TRPM6: variants seen among roughly 807,000 people sequenced by gnomAD.
TRPM6 encodes the protein transient receptor potential cation channel subfamily M member 6.
A neutral mutation model predicts 247.6 loss-of-function variants in TRPM6; 111 were observed. That is an observed-to-expected ratio of 0.45 (90% CI 0.38 to 0.52). The LOEUF (loss-of-function observed/expected upper bound fraction) is 0.52, where lower values mean the gene tolerates loss of function less well. TRPM6 is among the 20% of genes least tolerant of loss of function. The pLI is 0.00. For missense variants in TRPM6, 2,126 were observed against 2,421.5 expected, an observed-to-expected ratio of 0.88 and a Z score of 2.56; for synonymous variants, 892 against 853.8, an observed-to-expected ratio of 1.04 and a Z score of -0.78.
rs141484675 is a variant in TRPM6 at position 74,724,457 on chromosome 9, T to C, written c.*156A>G. 3.0e-4 allele frequency: 307 copies of C among 1,040,274 alleles called. 1 individual carries two copies. Among genetic ancestry groups the C allele is most frequent in the South Asian group, 1.2e-3 (91 of 73,046 alleles). 64.4% of individuals were successfully genotyped at this position (1,040,274 alleles called of 1,614,324 possible). A position where few individuals can be genotyped will look rare whatever the true frequency, so the allele number is the denominator to read the frequency against. ...AGTGTCTAGGAGAACCCATTGATCA[T>C]ATACCAATGAGGCCTTTGAACAGAA... On this transcript the variant is annotated 3_prime_UTR_variant, in exon 39 of 39. Coordinates refer to ENST00000360774, the MANE Select transcript of TRPM6 (RefSeq NM_017662.5).
intron 18 of TRPM6, among the ~76,000 whole-genome samples, chr9:74,793,082 G>A (rs1032443196): frequency 3.3e-5 from 5 of 152,082 alleles, no homozygotes; most frequent in Non-Finnish European, 7.4e-5. Context: ...CTTGAACCCG[G>A]GAGGCAGAGG....
intron 25 of TRPM6, among the ~76,000 whole-genome samples, chr9:74,767,780 G>C (rs1826876951): frequency 6.6e-6 from 1 of 152,116 alleles, no homozygotes; most frequent in Non-Finnish European, 1.5e-5. Context: ...ACCAGCCTGG[G>C]CAACATTAGC....
chr9:74,775,953 C>G lies in TRPM6; in HGVS notation c.3333G>C (p.Val1111=). Residue 1111 remains valine, a synonymous_variant, in exon 24 of 39, where the codon GTG becomes GTC. Transcript: ENST00000360774. The part of the protein sequence containing the change: ...LPPPLILLSH[V]GLLLRRLCCH... Reference sequence around the variant, plus strand: ...AGCACAGGCGGCGGAGGAGAAGGCCCACGTGGCTCAGCAGGATGAGAGGTG... The same window carrying G: ...AGCACAGGCGGCGGAGGAGAAGGCCGACGTGGCTCAGCAGGATGAGAGGTG... 6.2e-7 allele frequency: 1 copy of G among 1,614,162 alleles called. No individual in the cohort carries two copies. Among genetic ancestry groups the G allele is most frequent in the South Asian group, 1.1e-5 (1 of 91,082 alleles).
intron 14 of TRPM6, among the ~76,000 whole-genome samples, chr9:74,806,903 G>A (rs1348540053): frequency 6.6e-6 from 1 of 152,154 alleles, no homozygotes; most frequent in Non-Finnish European, 1.5e-5. Flanking sequence ...ACTTCGTACT[G>A]GCAGGCCATT....
Position 74,762,355 on chromosome 9 carries a change from G to A in TRPM6, c.4316C>T (p.Pro1439Leu), listed in dbSNP as rs112935687. 4 of 1,614,230 alleles carry A rather than the reference G, an allele frequency of 2.5e-6. No individual in the cohort carries two copies. The highest frequency in any genetic ancestry group is 2.2e-5 in the South Asian group (2 of 91,084). The change falls in exon 26 of 39, where the codon CCT becomes CTT. Residue 1439 changes from proline to leucine, a missense_variant. Physicochemically the swap from Pro to Leu is moderately conservative, Grantham distance 98. Around this residue, in one of 3 missense-constraint regions of TRPM6, gnomAD observed 717 missense variants for 715.9 expected, o/e 1.00. Coordinates refer to ENST00000360774, the MANE Select transcript of TRPM6 (RefSeq NM_017662.5). ...CTPEPMTMSSPLSQAKIMQTG... is the reference protein window; with the variant it reads ...CTPEPMTMSSLLSQAKIMQTG... ...TTGCATGATCTTGGCTTGGGAAAGAGGGGAGCTCATTGTCATGGGTTCAGG... is the reference window on the plus strand; with the variant it reads ...TTGCATGATCTTGGCTTGGGAAAGAAGGGAGCTCATTGTCATGGGTTCAGG...
At chr9:74,781,552 A>G in intron 23 of TRPM6, among the ~76,000 whole-genome samples, 1 of 124,240 alleles carries the variant, frequency 8.0e-6, no homozygotes, top group South Asian at 2.5e-4. Context: ...AAAAAAAAAA[A>G]AGAAGAAAAA....
Position 74,812,353 on chromosome 9 carries a change from T to C in TRPM6, c.1389A>G (p.Gly463=), listed in dbSNP as rs776248574. ...TGGTAAGAAAGCGATGGAGGTTCACTCCATATTCTATTAAGAGCTTCACAA... is the reference window on the plus strand; with the variant it reads ...TGGTAAGAAAGCGATGGAGGTTCACCCCATATTCTATTAAGAGCTTCACAA... The part of the protein sequence containing the change: ...VDFVKLLIEY[G]VNLHRFLTIP... Residue 463 remains glycine (G), a synonymous_variant, in exon 12 of 39, where the codon GGA becomes GGG. Coordinates refer to ENST00000360774, the MANE Select transcript of TRPM6 (RefSeq NM_017662.5). The C allele has an allele frequency of 1.4e-5, 22 of 1,613,918 alleles. No homozygotes were observed. Among genetic ancestry groups the C allele is most frequent in the Non-Finnish European group, 1.9e-5 (22 of 1,179,950 alleles).
intron 33 of TRPM6, 33 bp downstream of exon 33, chr9:74,742,528 G>A: frequency 6.3e-7 from 1 of 1,595,764 alleles, no homozygotes; most frequent in Non-Finnish European, 8.6e-7. Flanking sequence ...CTCTGTCCTG[G>A]CATAAACTCA....
intron 24 of TRPM6, among the ~76,000 whole-genome samples, chr9:74,774,728 G>A (rs1429021239): frequency 1.3e-5 from 2 of 152,158 alleles, no homozygotes; most frequent in African/African-American, 4.8e-5. Flanking sequence ...TAGTGAGTAT[G>A]TCATAAATGA....
chr9:74,835,845 A>G (rs1564037971), intron 5 of TRPM6, among the ~76,000 whole-genome samples: 2 of 152,128 alleles, frequency 1.3e-5, no homozygotes. Context: ...TGAAAAGTAC[A>G]GAAAGTTCCC....
intron 1 of TRPM6, chr9:74,887,386 G>A (rs1831570712): frequency 3.6e-6 from 5 of 1,398,346 alleles, no homozygotes; most frequent in Non-Finnish European, 4.7e-6. Context: ...TCTGAGATCT[G>A]TGCCCGTGGC....
rs191386614 is a variant in TRPM6, at chr9:74,861,399, T to A, written c.34-2651A>T. Among the ~76,000 whole-genome samples the A allele has an allele frequency of 2.1e-3, 326 of 152,316 alleles. 6 individuals carry two copies. The highest frequency in any genetic ancestry group is 7.3e-3 in the African/African-American group (304 of 41,572). ...TATGTGCACCAATTAACTATTTTTT[T>A]AATTTTTTGTATTTTTCATGCCTCT... On this transcript the variant is annotated intron_variant, in intron 1 of 38. Transcript: ENST00000360774.
intron 1 of TRPM6, among the ~76,000 whole-genome samples, chr9:74,862,096 GAAAAAAAA>G (rs577562437): frequency 2.0e-5 from 2 of 100,544 alleles, no homozygotes; most frequent in African/African-American, 8.0e-5. Flanking sequence ...AAAACTACCA[GAAAAAAAA>G]AAAAAAAAAA....
chr9:74,853,389 T>C (rs1483797803), intron 3 of TRPM6, among the ~76,000 whole-genome samples: 3 of 152,166 alleles, frequency 2.0e-5, no homozygotes, highest in Admixed American at 2.0e-4. Context: ...CGGGCCATGA[T>C]GACGATGGCG....
At chr9:74,855,421 G>C in intron 3 of TRPM6, 106 bp downstream of exon 3, 1 of 836,148 alleles carries the variant, frequency 1.2e-6, no homozygotes, top group Non-Finnish European at 2.1e-6. Flanking sequence ...AAGGTAAATG[G>C]CATGCACCAT....
intron 29 of TRPM6, among the ~76,000 whole-genome samples, chr9:74,751,045 G>C (rs561143358): frequency 6.6e-6 from 1 of 152,178 alleles, no homozygotes; most frequent in East Asian, 1.9e-4. Flanking sequence ...CAGTTAATCA[G>C]GACTGAACAT....
At chr9:74,873,212 G>T (rs748552282) in intron 1 of TRPM6, among the ~76,000 whole-genome samples, 1 of 151,802 alleles carries the variant, frequency 6.6e-6, no homozygotes, top group African/African-American at 2.4e-5. Flanking sequence ...TCCTTTCTCC[G>T]CCAACTTAGA....
intron 11 of TRPM6, among the ~76,000 whole-genome samples, chr9:74,815,649 C>G (rs1212003548): frequency 6.6e-6 from 1 of 152,150 alleles, no homozygotes; most frequent in Non-Finnish European, 1.5e-5. Context: ...GCCCACAAGA[C>G]AGAAGTGTTG....
At chr9:74,730,057 T>A (rs1398339273) in intron 37 of TRPM6, among the ~76,000 whole-genome samples, 1 of 152,090 alleles carries the variant, frequency 6.6e-6, no homozygotes, top group Non-Finnish European at 1.5e-5. Flanking sequence ...GGAAATTCAT[T>A]TGCATCTACC....
Sources: gnomAD v4.1 joint callset for allele counts (sites outside exome capture counted in the v4.1 genomes callset) on GRCh38, gnomAD v4.1.1 for gene constraint, gnomAD v4.1.1 regional missense constraint, MANE v1.5 for transcripts, NCBI Gene and HGNC (gene_info 2026-07-23, HGNC 2026-07-21) for gene names.